The following TNFRSF10D variants were observed in gnomAD, a reference collection of about 807,000 sequenced individuals.
TNFRSF10D encodes the protein TNF receptor superfamily member 10d, also known as tumor necrosis factor receptor superfamily member 10D.
TNFRSF10D carries 28 observed loss-of-function variants against 42.1 expected under a neutral mutation model. That is an observed-to-expected ratio of 0.66 (90% confidence interval 0.49 to 0.91). The LOEUF is 0.91. Among genes scored for constraint, TNFRSF10D ranks in the 40% least tolerant of loss-of-function variants. The probability of loss-of-function intolerance (pLI) is 0.00; values close to 1 mark genes in which losing one functional copy is unlikely to be tolerated. For missense variants in TNFRSF10D, 503 were observed against 486.1 expected (o/e 1.03, Z -0.33); for synonymous variants, 186 against 189.4 (o/e 0.98, Z 0.15).
chr8:23,147,653 G>A (rs890649253), intron 3 of TNFRSF10D, among the ~76,000 whole-genome samples: 3 of 152,248 alleles, frequency 2.0e-5, no homozygotes, highest in East Asian at 1.9e-4. Context: ...TTGGCCAGGC[G>A]CAGTGGCTCA....
chr8:23,154,126 C>T (rs982438056), intron 2 of TNFRSF10D, among the ~76,000 whole-genome samples: 2 of 152,176 alleles, frequency 1.3e-5, no homozygotes, highest in African/African-American at 2.4e-5. Context: ...CACAGAGAGA[C>T]AAACACCTCA....
intron 1 of TNFRSF10D, among the ~76,000 whole-genome samples, chr8:23,163,541 G>A (rs1800405954): frequency 6.6e-6 from 1 of 152,194 alleles, no homozygotes; most frequent in African/African-American, 2.4e-5. Context: ...GGGCAGCTCA[G>A]TGCGGTCCTC....
intron 7 of TNFRSF10D, among the ~76,000 whole-genome samples, chr8:23,139,048 T>G (rs535480915): frequency 2.0e-5 from 3 of 151,508 alleles, no homozygotes; most frequent in Admixed American, 6.6e-5. Context: ...GCAGACACAA[T>G]AATCATTATT....
chr8:23,145,829 G>T lies in TNFRSF10D; in HGVS notation c.575C>A (p.Thr192Asn). Residue 192 changes from threonine to asparagine, a missense_variant, in exon 5 of 9, where the codon ACC becomes AAC. Coordinates refer to ENST00000312584, the MANE Select transcript of TNFRSF10D (RefSeq NM_003840.5). ...NESAASSTGKTPAAEETVTTI... is the reference protein window; with the variant it reads ...NESAASSTGKNPAAEETVTTI... ...GGTCACTGTCTCCTCCGCTGCTGGG[G>T]TTTTCCCAGTGGAACTGGCAGCTGA... is the stretch of plus-strand genomic sequence containing the variant. 6.2e-7 allele frequency: 1 copy of T among 1,614,174 alleles called. No homozygotes were observed. The highest frequency in any genetic ancestry group is 8.5e-7 in the Non-Finnish European group (1 of 1,180,026).
chr8:23,156,136 A>G (rs1457064731), intron 1 of TNFRSF10D, among the ~76,000 whole-genome samples: 1 of 152,194 alleles, frequency 6.6e-6, no homozygotes, highest in African/African-American at 2.4e-5. Flanking sequence ...TTGTTTGTAG[A>G]AAGTACACAC....
chr8:23,140,294 G>GA (rs1266432415), intron 7 of TNFRSF10D, among the ~76,000 whole-genome samples: 22 of 148,030 alleles, frequency 1.5e-4, no homozygotes, highest in East Asian at 3.9e-4. Context: ...GTCTCAAAAA[G>GA]AAAAAAAATC....
chr8:23,140,094 C>G (rs534546884), intron 7 of TNFRSF10D, among the ~76,000 whole-genome samples: 2 of 152,270 alleles, frequency 1.3e-5, no homozygotes, highest in Admixed American at 6.5e-5. Context: ...TCGAGACCAT[C>G]CTGGCTAACA....
intron 7 of TNFRSF10D, among the ~76,000 whole-genome samples, chr8:23,141,395 C>T (rs189337856): frequency 4.8e-3 from 727 of 151,426 alleles, no homozygotes; most frequent in African/African-American, 0.015. Context: ...ATCCCAGCAA[C>T]TAGGGGGGCT....
Position 23,136,432 on chromosome 8 carries a change from C to A in TNFRSF10D, c.*1438G>T. On this transcript the variant is annotated 3_prime_UTR_variant, in exon 9 of 9. Transcript: ENST00000312584. ...GCATCCCAGGGACTCAGTTCACAGA[C>A]CACCAGAAGCGAGAGGGGCCCATCC... 5.5e-6 allele frequency: 1 copy of A among 180,608 alleles called. No homozygotes were observed. Among genetic ancestry groups the A allele is most frequent in the Non-Finnish European group, 1.2e-5 (1 of 86,166 alleles). 11.2% of individuals were successfully genotyped at this position (180,608 alleles called of 1,614,324 possible).
At chr8:23,154,659 G>A (rs1278337020) in intron 2 of TNFRSF10D, among the ~76,000 whole-genome samples, 1 of 152,198 alleles carries the variant, frequency 6.6e-6, no homozygotes, top group Admixed American at 6.5e-5. Flanking sequence ...AGGGCAAAGA[G>A]GGCTTATCCC....
At chr8:23,151,920 G>GT (rs2128838294) in intron 2 of TNFRSF10D, among the ~76,000 whole-genome samples, 1 of 152,154 alleles carries the variant, frequency 6.6e-6, no homozygotes, top group East Asian at 1.9e-4. Context: ...GCCTTGCCCT[G>GT]GGGGGGATCC....
At chr8:23,143,268 G>A (rs777188523) in intron 7 of TNFRSF10D, among the ~76,000 whole-genome samples, 9 of 149,604 alleles carry the variant, frequency 6.0e-5, no homozygotes, top group Non-Finnish European at 1.0e-4. Flanking sequence ...GAGCCACGGC[G>A]CCCGGCCGAC....
intron 1 of TNFRSF10D, among the ~76,000 whole-genome samples, chr8:23,157,590 A>T (rs547674151): frequency 6.8e-4 from 104 of 152,298 alleles, no homozygotes; most frequent in Non-Finnish European, 1.2e-3. Context: ...ATCGCTTGCC[A>T]CTTTACCGGG....
chr8:23,156,325 T>G (rs1309061704), intron 1 of TNFRSF10D, among the ~76,000 whole-genome samples: 2 of 151,582 alleles, frequency 1.3e-5, no homozygotes, highest in African/African-American at 4.9e-5. Context: ...ATGGTTACAA[T>G]AAAAGCTACT....
chr8:23,161,310 G>A (rs1422539062), intron 1 of TNFRSF10D, among the ~76,000 whole-genome samples: 679 of 151,752 alleles, frequency 4.5e-3, no homozygotes, highest in African/African-American at 0.014. Flanking sequence ...CTCAGAGTCC[G>A]AGATTCTGGG....
chr8:23,148,669 C>A, intron 2 of TNFRSF10D, 118 bp from the exon 3 acceptor site: 1 of 645,302 alleles, frequency 1.5e-6, no homozygotes. Context: ...ATCTGCTCTT[C>A]TTGGCTTGGT....
At chr8:23,140,016 A>G (rs7465520) in intron 7 of TNFRSF10D, among the ~76,000 whole-genome samples, 49,423 of 151,966 alleles carry the variant, frequency 0.33, 9,261 homozygotes, top group East Asian at 0.45. Flanking sequence ...GTAGCTGGGT[A>G]CGGTGGCTCA....
chr8:23,150,094 C>G (rs1165156013), intron 2 of TNFRSF10D, among the ~76,000 whole-genome samples: 1 of 152,202 alleles, frequency 6.6e-6, no homozygotes, highest in African/African-American at 2.4e-5. Flanking sequence ...TCAGTCTTAG[C>G]TTGTGCCTTC....
In TNFRSF10D at chr8:23,135,974, G is replaced by A. The variant is rs964633149; in HGVS notation, c.*1896C>T. ...AGGTGTGGGACGCCAGATGGAAGTG[G>A]GAGAGGATGGAAGTGCGAAGACCGG... is the stretch of plus-strand genomic sequence containing the variant. On this transcript the variant is annotated 3_prime_UTR_variant, in exon 9 of 9. Transcript: ENST00000312584. 27 of 446,116 alleles carry A rather than the reference G, an allele frequency of 6.1e-5. No homozygotes were observed. Among genetic ancestry groups the A allele is most frequent in the Non-Finnish European group, 1.2e-4 (27 of 222,728 alleles). 27.6% of individuals were successfully genotyped at this position (446,116 alleles called of 1,614,324 possible).
Sources: gnomAD v4.1 joint callset for allele counts (sites outside exome capture counted in the v4.1 genomes callset) on GRCh38, gnomAD v4.1.1 for gene constraint, MANE v1.5 for transcripts, NCBI Gene and HGNC (gene_info 2026-07-23, HGNC 2026-07-21) for gene names.